RXFP2: variants seen among roughly 807,000 people sequenced by gnomAD.
The protein encoded by RXFP2 is relaxin family peptide receptor 2.
In RXFP2, 68 loss-of-function variants were observed where a neutral mutation model predicts 88.6. The observed-to-expected ratio is 0.77, with a 90% CI of 0.63 to 0.94. The LOEUF (loss-of-function observed/expected upper bound fraction) is 0.94, where lower values mean the gene tolerates loss of function less well. Among genes scored for constraint, RXFP2 ranks in the 40% least tolerant of loss-of-function variants. The pLI, the probability that RXFP2 is intolerant of heterozygous loss-of-function variation, is 0.00. For missense variants in RXFP2, 791 were observed against 893.9 expected, an observed-to-expected ratio of 0.88 and a Z score of 1.47; for synonymous variants, 329 against 306.8, an observed-to-expected ratio of 1.07 and a Z score of -0.76.
At chr13:31,799,104 A>G (rs766570672) in intron 17 of RXFP2, among the ~76,000 whole-genome samples, 3 of 152,038 alleles carry the variant, frequency 2.0e-5, no homozygotes, top group Non-Finnish European at 2.9e-5. Context: ...TGTTTTTCAC[A>G]TAGTGCTTTT....
At chr13:31,755,322 C>G (rs1871889833) in intron 1 of RXFP2, among the ~76,000 whole-genome samples, 2 of 152,116 alleles carry the variant, frequency 1.3e-5, no homozygotes, top group African/African-American at 4.8e-5. Flanking sequence ...GATCAAAGCT[C>G]ATCCCACATA....
intron 2 of RXFP2, among the ~76,000 whole-genome samples, chr13:31,758,866 C>T (rs922316191): frequency 3.3e-5 from 5 of 151,850 alleles, no homozygotes; most frequent in Admixed American, 6.6e-5. Flanking sequence ...GGTGAAACCC[C>T]GTCTCTACTG....
chr13:31,770,491 T>C (rs1872697938), intron 5 of RXFP2, among the ~76,000 whole-genome samples: 1 of 152,210 alleles, frequency 6.6e-6, no homozygotes, highest in South Asian at 2.1e-4. Flanking sequence ...ACCTGCCATA[T>C]AGCCTTTCCA....
intron 15 of RXFP2, 71 bp from the exon 16 acceptor site, chr13:31,792,607 T>C (rs1387194149): frequency 7.0e-7 from 1 of 1,420,240 alleles, no homozygotes; most frequent in East Asian, 2.3e-5. Context: ...ATGCTGGAAA[T>C]AGACTTAATC....
At chr13:31,743,552 G>A (rs1160885807) in intron 1 of RXFP2, among the ~76,000 whole-genome samples, 1 of 151,872 alleles carries the variant, frequency 6.6e-6, no homozygotes, top group African/African-American at 2.4e-5. Context: ...CATGTTCAAT[G>A]TGATTGATAA....
intron 16 of RXFP2, among the ~76,000 whole-genome samples, chr13:31,793,749 T>C (rs1355193305): frequency 1.3e-5 from 2 of 152,178 alleles, no homozygotes; most frequent in Non-Finnish European, 2.9e-5. Flanking sequence ...CTTTCCTATA[T>C]CCTCTCTTTG....
intron 1 of RXFP2, among the ~76,000 whole-genome samples, chr13:31,749,484 A>G (rs1043251272): frequency 6.6e-6 from 1 of 152,088 alleles, no homozygotes; most frequent in African/African-American, 2.4e-5. Flanking sequence ...TACTCCTGGG[A>G]TTTTTATTGA....
At chr13:31,793,457 A>G (rs918925221) in intron 16 of RXFP2, among the ~76,000 whole-genome samples, 2 of 147,658 alleles carry the variant, frequency 1.4e-5, no homozygotes, top group African/African-American at 5.0e-5. Flanking sequence ...CAATCTAGTT[A>G]TGAGTTAAGT....
At chr13:31,765,538 T>A (rs556726752) in intron 4 of RXFP2, among the ~76,000 whole-genome samples, 1 of 152,290 alleles carries the variant, frequency 6.6e-6, no homozygotes, top group East Asian at 1.9e-4. Context: ...ATGAAGCTAG[T>A]AGCTATGTTA....
At chr13:31,787,028 C>A (rs182822752) in intron 13 of RXFP2, among the ~76,000 whole-genome samples, 275 of 152,362 alleles carry the variant, frequency 1.8e-3, no homozygotes, top group African/African-American at 6.4e-3. Context: ...TATTAGTGTA[C>A]AGTGCATTGT....
chr13:31,759,406 A>AAAGAAAGAAAGAAAGAAAGAAAGAAAG (rs1566218421), intron 2 of RXFP2, among the ~76,000 whole-genome samples: 12 of 149,800 alleles, frequency 8.0e-5, no homozygotes, highest in Non-Finnish European at 1.5e-4. Flanking sequence ...AGAAAGAAAG[A>AAAGAAAGAAAGAAAGAAAGAAAGAAAG]AAGAAAGAAA....
intron 17 of RXFP2, among the ~76,000 whole-genome samples, chr13:31,798,075 C>T (rs1031652278): frequency 2.0e-5 from 3 of 152,194 alleles, no homozygotes; most frequent in African/African-American, 7.2e-5. Context: ...TCATCGTCAA[C>T]CTACTGTTCC....
At chr13:31,793,768 T>G (rs1593471648) in intron 16 of RXFP2, among the ~76,000 whole-genome samples, 3 of 152,324 alleles carry the variant, frequency 2.0e-5, no homozygotes, top group Admixed American at 2.0e-4. Flanking sequence ...TGGGGCGATC[T>G]TCTTTTGACT....
At chr13:31,799,016 T>A (rs1874195547) in intron 17 of RXFP2, among the ~76,000 whole-genome samples, 1 of 152,200 alleles carries the variant, frequency 6.6e-6, no homozygotes, top group Admixed American at 6.5e-5. Flanking sequence ...ACACTATTTC[T>A]TAGTGTGTCC....
intron 5 of RXFP2, among the ~76,000 whole-genome samples, chr13:31,771,708 C>T (rs1872740762): frequency 6.6e-6 from 1 of 151,612 alleles, no homozygotes; most frequent in Non-Finnish European, 1.5e-5. Flanking sequence ...AGGAGAATCG[C>T]TTGACCCCAA....
chr13:31,773,531 G>C (rs1872810408), intron 5 of RXFP2, among the ~76,000 whole-genome samples: 2 of 151,384 alleles, frequency 1.3e-5, no homozygotes, highest in Non-Finnish European at 2.9e-5. Context: ...GTACAGTTTA[G>C]TGGTAGTAAA....
chr13:31,779,727 A>G (rs1368288803), intron 9 of RXFP2, among the ~76,000 whole-genome samples: 2 of 152,108 alleles, frequency 1.3e-5, no homozygotes, highest in East Asian at 1.9e-4. Context: ...AAATCATGGA[A>G]CTCAAGACCC....
rs1172715214 is a variant in RXFP2, at chr13:31,782,700, T to C, written c.882T>C (p.Gly294=). The C allele has an allele frequency of 1.2e-6, 2 of 1,612,094 alleles. No homozygotes were observed. The highest frequency in any genetic ancestry group is 1.6e-4 in the Middle Eastern group (1 of 6,078). Reference sequence around the variant, plus strand: ...GGTTTCTGCCTAGAAATCAAATTGGTTTTGTTCCAGAGAAGACATTTTCTT... The same window carrying C: ...GGTTTCTGCCTAGAAATCAAATTGGCTTTGTTCCAGAGAAGACATTTTCTT... ...TVLFLPRNQI[G]FVPEKTFSSL... is the part of the protein sequence containing the mutation. The change falls in exon 11 of 18, where the codon GGT becomes GGC. Residue 294 remains glycine (G), a synonymous_variant. Coordinates refer to ENST00000298386, the MANE Select transcript of RXFP2 (RefSeq NM_130806.5).
At chr13:31,753,428 G>A (rs962804896) in intron 1 of RXFP2, among the ~76,000 whole-genome samples, 6 of 152,118 alleles carry the variant, frequency 3.9e-5, no homozygotes, top group African/African-American at 7.2e-5. Context: ...ATTCTCTGTC[G>A]TATGTTCGAG....
Sources: gnomAD v4.1 joint callset for allele counts (sites outside exome capture counted in the v4.1 genomes callset) on GRCh38, gnomAD v4.1.1 for gene constraint, MANE v1.5 for transcripts, NCBI Gene and HGNC (gene_info 2026-07-23, HGNC 2026-07-21) for gene names.